IHO1: variants seen among roughly 807,000 people sequenced by gnomAD.
IHO1 encodes interactor of HORMAD1 protein 1.
Under a neutral mutation model 31.0 loss-of-function variants are expected in IHO1, and 13 were observed. The observed-to-expected ratio is 0.42, with a 90% CI of 0.27 to 0.67. The LOEUF is 0.67. Ranked by LOEUF, IHO1 falls within the 30% of genes least tolerant of loss-of-function variation. The pLI, the probability that IHO1 is intolerant of heterozygous loss-of-function variation, is 0.24. For missense variants in IHO1, 599 were observed against 687.5 expected, an observed-to-expected ratio of 0.87 and a Z score of 1.44; for synonymous variants, 221 against 248.4, an observed-to-expected ratio of 0.89 and a Z score of 1.04.
intron 3 of IHO1, among the ~76,000 whole-genome samples, chr3:49,238,784 A>C (rs373634679): frequency 1.3e-5 from 2 of 152,158 alleles, no homozygotes; most frequent in East Asian, 1.9e-4. Flanking sequence ...CTGTGAAGTA[A>C]CCTTGAGTAT....
chr3:49,244,476 A>C (rs1168320059), intron 5 of IHO1, 24 bp downstream of exon 5: 18 of 1,484,534 alleles, frequency 1.2e-5, no homozygotes, highest in Non-Finnish European at 1.6e-5. Flanking sequence ...CTTTTCAAGG[A>C]GTTAGAACAT....
intron 3 of IHO1, 106 bp downstream of exon 3, chr3:49,236,828 T>C (rs529560166): frequency 9.3e-7 from 1 of 1,077,478 alleles, no homozygotes; most frequent in African/African-American, 1.6e-5. Context: ...ACACCTGTAA[T>C]CCCTGCACTT....
chr3:49,200,475 A>AAAAAAAGAAAGAAAGAAAG (rs1553615439), intron 1 of IHO1: 2 of 103,858 alleles, frequency 1.9e-5, no homozygotes, highest in African/African-American at 1.2e-4. Context: ...AAAAAAAAAA[A>AAAAAAAGAAAGAAAGAAAG]AAAGAAAGAA....
At chr3:49,212,325 C>T (rs1046436338) in intron 2 of IHO1, among the ~76,000 whole-genome samples, 6 of 141,486 alleles carry the variant, frequency 4.2e-5, no homozygotes, top group East Asian at 2.2e-4. Flanking sequence ...GCTTGGCCAA[C>T]GTGGCAAAAC....
chr3:49,238,006 G>C (rs2046581520), intron 3 of IHO1, among the ~76,000 whole-genome samples: 1 of 134,034 alleles, frequency 7.5e-6, no homozygotes, highest in East Asian at 2.6e-4. Context: ...CCAGGTTCAA[G>C]TAATTCTCCT....
chr3:49,195,991 T>C (rs1391891711), upstream of IHO1, among the ~76,000 whole-genome samples: 1 of 150,608 alleles, frequency 6.6e-6, no homozygotes, highest in Non-Finnish European at 1.5e-5. Context: ...ATCCCAGTAC[T>C]TTGGGAGGTC....
At chr3:49,198,920 G>C (rs1297974707), upstream of IHO1, 1 of 152,712 alleles carries the variant, frequency 6.5e-6, no homozygotes, top group African/African-American at 2.4e-5. Flanking sequence ...ATCTGCCCAC[G>C]GCGCCTCTCG....
At chr3:49,237,952 G>A (rs2046580568) in intron 3 of IHO1, among the ~76,000 whole-genome samples, 1 of 137,696 alleles carries the variant, frequency 7.3e-6, no homozygotes, top group Non-Finnish European at 1.5e-5. Context: ...CTGGGCCGAG[G>A]TCCAGTGGCA....
intron 1 of IHO1, among the ~76,000 whole-genome samples, chr3:49,211,481 C>T (rs111688163): frequency 2.0e-5 from 3 of 151,768 alleles, no homozygotes; most frequent in African/African-American, 7.2e-5. Flanking sequence ...TGGCATGATA[C>T]AAAAATTAGC....
chr3:49,197,893 A>G (rs200009784), upstream of IHO1, among the ~76,000 whole-genome samples: 11 of 152,148 alleles, frequency 7.2e-5, no homozygotes, highest in East Asian at 1.9e-3. Context: ...AAAAAAAAAA[A>G]AAGAAGAAGA....
chr3:49,234,375 TCA>T (rs1233116053), intron 2 of IHO1, among the ~76,000 whole-genome samples: 1 of 151,720 alleles, frequency 6.6e-6, no homozygotes, highest in Non-Finnish European at 1.5e-5. Flanking sequence ...AGATGAGATT[TCA>T]CAGTGTTGCC....
chr3:49,210,024 TCTTTC>T (rs2046188130), intron 1 of IHO1, among the ~76,000 whole-genome samples: 2 of 150,886 alleles, frequency 1.3e-5, no homozygotes, highest in Middle Eastern at 3.4e-3. Context: ...CCTCTTTCTT[TCTTTC>T]TTTTTTTTTT....
At chr3:49,232,576 C>T (rs2046496719) in intron 2 of IHO1, among the ~76,000 whole-genome samples, 1 of 152,066 alleles carries the variant, frequency 6.6e-6, no homozygotes, top group Non-Finnish European at 1.5e-5. Context: ...AGCCAGATAC[C>T]CAGGAAAAGG....
intron 4 of IHO1, among the ~76,000 whole-genome samples, chr3:49,242,232 C>T (rs1457823062): frequency 5.3e-5 from 8 of 152,140 alleles, no homozygotes; most frequent in Admixed American, 1.3e-4. Flanking sequence ...CATGAGCCAC[C>T]GCAGTCTTCC....
At chr3:49,194,292 GTA>G (rs141683116), upstream of IHO1, among the ~76,000 whole-genome samples, 57,580 of 119,608 alleles carry the variant, frequency 0.48, 14,248 homozygotes, top group East Asian at 0.87. Context: ...AGTACAAAGT[GTA>G]TATATATATA....
At chr3:49,243,344 C>T (rs1299164196) in intron 4 of IHO1, among the ~76,000 whole-genome samples, 1 of 151,730 alleles carries the variant, frequency 6.6e-6, no homozygotes, top group Non-Finnish European at 1.5e-5. Flanking sequence ...GGGGTTTCAG[C>T]ATGTTGGCCA....
At chr3:49,232,666 A>G (rs1000959402) in intron 2 of IHO1, among the ~76,000 whole-genome samples, 11 of 152,174 alleles carry the variant, frequency 7.2e-5, no homozygotes, top group Non-Finnish European at 1.6e-4. Context: ...GTCACAAGCA[A>G]CACCCATCGA....
At chr3:49,202,015 T>C (rs943736548) in intron 1 of IHO1, among the ~76,000 whole-genome samples, 5 of 152,206 alleles carry the variant, frequency 3.3e-5, no homozygotes, top group African/African-American at 1.2e-4. Context: ...TTTTAACTCA[T>C]TAAACAAGAA....
chr3:49,202,597 C>T (rs752994477), intron 1 of IHO1, among the ~76,000 whole-genome samples: 4 of 151,224 alleles, frequency 2.6e-5, no homozygotes, highest in Non-Finnish European at 5.9e-5. Context: ...AGGATGGTCT[C>T]GATCTCCTGA....
Sources: gnomAD v4.1 joint callset for allele counts (sites outside exome capture counted in the v4.1 genomes callset) on GRCh38, gnomAD v4.1.1 for gene constraint, MANE v1.5 for transcripts, NCBI Gene and HGNC (gene_info 2026-07-23, HGNC 2026-07-21) for gene names.